OCA2: variants seen among roughly 807,000 people sequenced by gnomAD.
OCA2 encodes P protein.
In OCA2, 77 loss-of-function variants were observed where a neutral mutation model predicts 100.2. The ratio of observed to expected loss-of-function variants is 0.77; its 90% CI spans 0.64 to 0.93. OCA2 has a LOEUF of 0.93. OCA2 is among the 40% of genes least tolerant of loss of function. The pLI is 0.00. For missense variants in OCA2, 1,062 were observed against 1,089.1 expected, an observed-to-expected ratio of 0.98 and a Z score of 0.35; for synonymous variants, 432 against 439.2, an observed-to-expected ratio of 0.98 and a Z score of 0.21.
intron 23 of OCA2, among the ~76,000 whole-genome samples, chr15:27,828,500 G>C (rs754874528): frequency 7.9e-5 from 12 of 152,174 alleles, no homozygotes; most frequent in Non-Finnish European, 1.5e-4. Flanking sequence ...ATTTTGGAAA[G>C]AGGCAGAGGA....
intron 18 of OCA2, among the ~76,000 whole-genome samples, chr15:27,938,148 G>A (rs1462671738): frequency 6.6e-6 from 1 of 152,222 alleles, no homozygotes; most frequent in Non-Finnish European, 1.5e-5. Flanking sequence ...ATGATGTGAT[G>A]AAGACACTCA....
chr15:27,724,245 G>A, the OCA2 span, among the ~76,000 whole-genome samples: 7 of 152,192 alleles, frequency 4.6e-5, no homozygotes, highest in Admixed American at 6.5e-5. Context: ...TCTGGAGGCT[G>A]GAAGGCTGAG....
At chr15:28,022,659 T>C in intron 5 of OCA2, 86 bp from the exon 6 acceptor site, 1 of 962,614 alleles carries the variant, frequency 1.0e-6, no homozygotes, top group Middle Eastern at 2.1e-4. Context: ...CGAAAACAGA[T>C]GTGATGATGG....
intron 23 of OCA2, 133 bp from the exon 24 acceptor site, chr15:27,755,605 A>C: frequency 1.4e-6 from 1 of 719,026 alleles, no homozygotes; most frequent in Non-Finnish European, 2.5e-6. Context: ...TTATTTCCAT[A>C]AATCAGGAAG....
chr15:27,869,755 C>T (rs866613334), intron 21 of OCA2, among the ~76,000 whole-genome samples: 4 of 152,130 alleles, frequency 2.6e-5, no homozygotes, highest in East Asian at 1.9e-4. Context: ...TGGGACAGCG[C>T]GGAGTCTCCT....
intron 23 of OCA2, among the ~76,000 whole-genome samples, chr15:27,799,837 G>C (rs754813925): frequency 2.0e-5 from 3 of 152,124 alleles, no homozygotes; most frequent in Non-Finnish European, 4.4e-5. Context: ...AAGAGTTCCA[G>C]AGAGGGGTAA....
chr15:27,955,270 T>C (rs2040183463), intron 16 of OCA2, 55 bp from the exon 17 acceptor site: 3 of 1,290,970 alleles, frequency 2.3e-6, no homozygotes, highest in Non-Finnish European at 3.4e-6. Flanking sequence ...CGTGGTGAGA[T>C]CGCGGAGCAG....
At chr15:27,790,948 C>G (rs1175778945) in intron 23 of OCA2, among the ~76,000 whole-genome samples, 2 of 151,396 alleles carry the variant, frequency 1.3e-5, no homozygotes, top group Non-Finnish European at 3.0e-5. Context: ...GCCACCATGC[C>G]CAGCTAAGTT....
intron 23 of OCA2, among the ~76,000 whole-genome samples, chr15:27,779,484 G>T (rs562523718): frequency 6.6e-6 from 1 of 152,072 alleles, no homozygotes; most frequent in Non-Finnish European, 1.5e-5. Context: ...TATATTTTGG[G>T]TGGATTGACC....
intron 14 of OCA2, among the ~76,000 whole-genome samples, chr15:27,972,718 A>G (rs1213275253): frequency 6.6e-6 from 1 of 151,210 alleles, no homozygotes; most frequent in Non-Finnish European, 1.5e-5. Flanking sequence ...TTTCTTGCTA[A>G]TTTGTTTGAG....
chr15:28,069,213 T>C (rs1043283020), intron 2 of OCA2, among the ~76,000 whole-genome samples: 7 of 152,022 alleles, frequency 4.6e-5, no homozygotes, highest in African/African-American at 1.7e-4. Context: ...CTAGAATTGA[T>C]AAATGACTTT....
the OCA2 span, among the ~76,000 whole-genome samples, chr15:27,724,812 C>A: frequency 8.6e-6 from 1 of 115,820 alleles, no homozygotes; most frequent in Non-Finnish European, 1.9e-5. Flanking sequence ...CTGTGAGAGA[C>A]GCTTTTTTTT....
intron 20 of OCA2, 46 bp from the exon 21 acceptor site, chr15:27,871,304 T>G (rs1443837675): frequency 1.4e-5 from 21 of 1,470,562 alleles, no homozygotes; most frequent in Non-Finnish European, 1.9e-5. Context: ...CGCATGCACT[T>G]AGGGTCAGAC....
intron 18 of OCA2, among the ~76,000 whole-genome samples, chr15:27,933,606 G>A (rs1047097100): frequency 2.6e-5 from 4 of 152,168 alleles, no homozygotes; most frequent in Admixed American, 6.5e-5. Flanking sequence ...TATAGGACTG[G>A]GGTAAGCAGT....
chr15:27,822,290 A>G (rs2034537263), intron 23 of OCA2, among the ~76,000 whole-genome samples: 1 of 152,182 alleles, frequency 6.6e-6, no homozygotes, highest in East Asian at 1.9e-4. Flanking sequence ...AAAATCATAT[A>G]TGCACTTTTT....
chr15:27,824,093 C>A (rs1170132392), intron 23 of OCA2, among the ~76,000 whole-genome samples: 1 of 152,154 alleles, frequency 6.6e-6, no homozygotes, highest in Non-Finnish European at 1.5e-5. Context: ...TTTGGCCAGG[C>A]GCGGTGGCTC....
At chr15:27,844,273 G>A (rs2151378185) in intron 23 of OCA2, among the ~76,000 whole-genome samples, 1 of 152,298 alleles carries the variant, frequency 6.6e-6, no homozygotes, top group African/African-American at 2.4e-5. Context: ...GCCACTGCCA[G>A]GCTGCCCCCA....
chr15:27,842,612 G>A (rs952219872), intron 23 of OCA2, among the ~76,000 whole-genome samples: 1 of 152,216 alleles, frequency 6.6e-6, no homozygotes, highest in African/African-American at 2.4e-5. Flanking sequence ...AAGAAGGATG[G>A]TCAGAGCTGG....
chr15:28,074,293 C>G (rs1454931030), intron 2 of OCA2, among the ~76,000 whole-genome samples: 5 of 152,164 alleles, frequency 3.3e-5, no homozygotes, highest in Admixed American at 6.5e-5. Flanking sequence ...AATCCCAGCA[C>G]TTTGGGAGGC....
Sources: allele counts gnomAD v4.1 joint callset (sites outside exome capture counted in the v4.1 genomes callset), GRCh38; gene constraint gnomAD v4.1.1; transcripts MANE v1.5; gene names NCBI Gene and HGNC (gene_info 2026-07-23, HGNC 2026-07-21).